Variants in MGAT4C observed in about 807,000 individuals in gnomAD.
MGAT4C encodes MGAT4 family member C.
A neutral mutation model predicts 40.1 loss-of-function variants in MGAT4C; 19 were observed. The observed-to-expected ratio is 0.47, with a 90% CI of 0.33 to 0.70. The LOEUF is 0.70. Ranked by LOEUF, MGAT4C falls within the 30% of genes least tolerant of loss-of-function variation. The pLI is 0.02. For synonymous variants in MGAT4C, 181 were observed against 187.1 expected (o/e 0.97, Z 0.27); for missense variants, 491 against 563.2 (o/e 0.87, Z 1.30).
chr12:86,398,862 G>C (rs1291332630), intron 3 of MGAT4C, among the ~76,000 whole-genome samples: 2 of 152,122 alleles, frequency 1.3e-5, no homozygotes, highest in African/African-American at 4.8e-5. Context: ...CAGAGGGAAG[G>C]AATGTCTCAC....
intron 1 of MGAT4C, among the ~76,000 whole-genome samples, chr12:86,090,974 A>G (rs1301811512): frequency 6.6e-6 from 1 of 151,894 alleles, no homozygotes; most frequent in Admixed American, 6.6e-5. Flanking sequence ...ACTTGTAATG[A>G]TTTATATAAA....
At chr12:86,110,671 T>C (rs1343581478) in intron 1 of MGAT4C, among the ~76,000 whole-genome samples, 2 of 151,534 alleles carry the variant, frequency 1.3e-5, no homozygotes, top group Non-Finnish European at 3.0e-5. Context: ...AAAAAGTATG[T>C]ATTTGTGTTT....
At chr12:86,643,491 A>G (rs1371136202) in intron 2 of MGAT4C, among the ~76,000 whole-genome samples, 1 of 151,896 alleles carries the variant, frequency 6.6e-6, no homozygotes, top group African/African-American at 2.4e-5. Context: ...ACCCACTCAT[A>G]GGAGTAATAT....
chr12:86,766,256 C>T (rs955469389), intron 1 of MGAT4C, among the ~76,000 whole-genome samples: 2 of 151,856 alleles, frequency 1.3e-5, no homozygotes, highest in African/African-American at 2.4e-5. Flanking sequence ...CAACAAAGAT[C>T]AAAAGAGACA....
rs1035775656 is a variant in MGAT4C, at chr12:86,256,259, C to T, written c.-77G>A. 6 of 152,132 alleles carry T rather than the reference C, an allele frequency of 3.9e-5. No individual in the cohort carries two copies. The highest frequency in any genetic ancestry group is 2.1e-4 in the South Asian group (1 of 4,828). The allele number at this position is 152,132 out of a possible 1,614,324, so 9.4% of individuals were successfully genotyped here. A position where few individuals can be genotyped will look rare whatever the true frequency, so the allele number is the denominator to read the frequency against. On this transcript the variant is annotated 5_prime_UTR_variant, in exon 1 of 5. Transcript: ENST00000611864. ...CTTACCAGAGACAGAGAAAACAATT[C>T]GTTCAGCTAGATCCAACAGTGCTCT...
chr12:86,414,463 C>A (rs1956667583), intron 3 of MGAT4C, among the ~76,000 whole-genome samples: 1 of 152,082 alleles, frequency 6.6e-6, no homozygotes, highest in Non-Finnish European at 1.5e-5. Flanking sequence ...CAAGAGCCTC[C>A]TTTATAAAAT....
chr12:86,499,879 G>C (rs958379033), intron 2 of MGAT4C, among the ~76,000 whole-genome samples: 1 of 151,906 alleles, frequency 6.6e-6, no homozygotes, highest in Admixed American at 6.6e-5. Flanking sequence ...CAAAAATGAA[G>C]TTTCCAGGAT....
At position 85,977,346 on chromosome 12, in the gene MGAT4C, A is replaced by T. The variant is rs1884069353; in HGVS notation, c.*1943T>A. ...TTTGTAACTTCTGAGATATACACAC[A>T]ATACTATCAACTAGCCGGTTAATAA... On this transcript the variant is annotated 3_prime_UTR_variant, in exon 5 of 5. Coordinates refer to ENST00000611864, the MANE Select transcript of MGAT4C (RefSeq NM_001351288.2). The T allele has an allele frequency of 6.6e-6, 1 of 151,476 alleles. No individual in the cohort carries two copies. The highest frequency in any genetic ancestry group is 6.6e-5 in the Admixed American group (1 of 15,152). The allele number at this position is 151,476 out of a possible 1,614,324, so 9.4% of individuals were successfully genotyped here. A position where few individuals can be genotyped will look rare whatever the true frequency, so the allele number is the denominator to read the frequency against.
chr12:86,834,546 T>C (rs1255039455), intron 1 of MGAT4C, among the ~76,000 whole-genome samples: 2 of 151,742 alleles, frequency 1.3e-5, no homozygotes, highest in East Asian at 1.9e-4. Flanking sequence ...TTTTGTGACA[T>C]TTTGTCATTT....
At chr12:86,274,771 A>T (rs1339692506) in intron 4 of MGAT4C, among the ~76,000 whole-genome samples, 2 of 152,236 alleles carry the variant, frequency 1.3e-5, no homozygotes, top group Non-Finnish European at 2.9e-5. Flanking sequence ...GAAACATAAT[A>T]CTGGGGTCAG....
chr12:86,458,619 C>G (rs112081101), intron 2 of MGAT4C, among the ~76,000 whole-genome samples: 1 of 151,982 alleles, frequency 6.6e-6, no homozygotes, highest in African/African-American at 2.4e-5. Flanking sequence ...TCTGAAAGAC[C>G]GTATTAAGAG....
chr12:86,499,846 T>C (rs1426306980), intron 2 of MGAT4C, among the ~76,000 whole-genome samples: 1 of 151,944 alleles, frequency 6.6e-6, no homozygotes, highest in Non-Finnish European at 1.5e-5. Context: ...AAATGTTTGA[T>C]TGTATCAGAG....
chr12:86,096,580 T>C (rs1036859499), intron 1 of MGAT4C, among the ~76,000 whole-genome samples: 1 of 151,462 alleles, frequency 6.6e-6, no homozygotes, highest in African/African-American at 2.4e-5. Context: ...TTTGGATTAC[T>C]TTTTTTTCCT....
At chr12:86,549,275 A>C (rs11103987) in intron 2 of MGAT4C, among the ~76,000 whole-genome samples, 35,408 of 151,958 alleles carry the variant, frequency 0.23, 4,301 homozygotes, top group East Asian at 0.38. Flanking sequence ...TTTTTAAATA[A>C]ATAAATACAA....
intron 2 of MGAT4C, among the ~76,000 whole-genome samples, chr12:86,677,419 A>G (rs2136573193): frequency 6.6e-6 from 1 of 152,276 alleles, no homozygotes; most frequent in East Asian, 1.9e-4. Context: ...CTACTCAAAA[A>G]TGTGCTTGCT....
intron 1 of MGAT4C, among the ~76,000 whole-genome samples, chr12:86,147,232 C>G (rs555466353): frequency 1.3e-5 from 2 of 152,052 alleles, no homozygotes; most frequent in Non-Finnish European, 2.9e-5. Flanking sequence ...AATAAGATAG[C>G]AGAAATTTAT....
intron 2 of MGAT4C, among the ~76,000 whole-genome samples, chr12:86,568,421 G>C (rs1159614112): frequency 6.6e-6 from 1 of 151,888 alleles, no homozygotes; most frequent in Non-Finnish European, 1.5e-5. Flanking sequence ...AAGCTGCCCT[G>C]TTCGATTCCC....
At chr12:86,135,669 C>A (rs1375041868) in intron 1 of MGAT4C, among the ~76,000 whole-genome samples, 2 of 152,152 alleles carry the variant, frequency 1.3e-5, no homozygotes, top group African/African-American at 4.8e-5. Context: ...TGACCATTTA[C>A]ATAGTGTCCT....
chr12:86,210,977 T>C (rs1342768291), intron 1 of MGAT4C, among the ~76,000 whole-genome samples: 1 of 151,970 alleles, frequency 6.6e-6, no homozygotes, highest in African/African-American at 2.4e-5. Context: ...ACAACTATGA[T>C]AGACAGTGAT....
Sources: allele counts gnomAD v4.1 joint callset (sites outside exome capture counted in the v4.1 genomes callset), GRCh38; gene constraint gnomAD v4.1.1; transcripts MANE v1.5; gene names NCBI Gene and HGNC (gene_info 2026-07-23, HGNC 2026-07-21).